SLC6A11: variants seen among roughly 807,000 people sequenced by gnomAD.
The protein encoded by SLC6A11 is sodium- and chloride-dependent GABA transporter 3.
SLC6A11 carries 25 observed loss-of-function variants against 74.8 expected under a neutral mutation model. That is an observed-to-expected ratio of 0.33 (90% confidence interval 0.24 to 0.47). The LOEUF is 0.47. Among genes scored for constraint, SLC6A11 ranks in the 20% least tolerant of loss-of-function variants. SLC6A11 has a pLI of 1.00. For missense variants in SLC6A11, 574 were observed against 837.0 expected (o/e 0.69, Z 3.88); for synonymous variants, 330 against 330.2 (o/e 1.00, Z 0.01).
chr3:10,846,015 A>G (rs1383357806), intron 5 of SLC6A11, among the ~76,000 whole-genome samples: 1 of 152,212 alleles, frequency 6.6e-6, no homozygotes, highest in African/African-American at 2.4e-5. Context: ...TCTGAGCCTC[A>G]CTTTCCTCTT....
chr3:10,883,399 T>A (rs1695005877), intron 6 of SLC6A11, among the ~76,000 whole-genome samples: 1 of 152,150 alleles, frequency 6.6e-6, no homozygotes. Context: ...GTGTTTCAAG[T>A]GTGTGTTTTC....
intron 4 of SLC6A11, among the ~76,000 whole-genome samples, chr3:10,833,893 A>G (rs190924258): frequency 1.1e-3 from 163 of 152,356 alleles, no homozygotes; most frequent in Non-Finnish European, 1.9e-3. Context: ...CTTACAGTAT[A>G]GAACAGGAAG....
chr3:10,828,755 C>G (rs990194485), intron 4 of SLC6A11, among the ~76,000 whole-genome samples: 5 of 152,224 alleles, frequency 3.3e-5, no homozygotes, highest in African/African-American at 7.2e-5. Context: ...ATGGAATCCA[C>G]ACCCCAGTCC....
rs1575684213 is a variant in SLC6A11, at chr3:10,873,488, CCCTAT to C, written c.757-1472_757-1468del. On this transcript the variant is annotated intron_variant, in intron 5 of 13. Coordinates refer to ENST00000254488, the MANE Select transcript of SLC6A11 (RefSeq NM_014229.3). ...TCCTACCCTACCCTACCATACCCTA[CCCTAT>C]GCTATCCTATCCTATCCTATGCCAT... Among the ~76,000 whole-genome samples the C allele has an allele frequency of 1.3e-4, 13 of 99,726 alleles. No individual in the cohort carries two copies. The East Asian group carries it at 2.3e-3, about 18-fold the overall frequency. The allele number at this position is 99,726 out of a possible 152,430, so 65.4% of individuals were successfully genotyped here. A position where few individuals can be genotyped will look rare whatever the true frequency, so the allele number is the denominator to read the frequency against.
rs1695058581 is a variant in SLC6A11, at chr3:10,887,482, G to A, written c.891+12387G>A. On this transcript the variant is annotated intron_variant, in intron 6 of 13. Transcript: ENST00000254488. Reference sequence around the variant, plus strand: ...CTTTTTTGAGATGGAGTCTCACTCTGTCACCCAGGCTGGAGTACAATGGCC... The same window carrying A: ...CTTTTTTGAGATGGAGTCTCACTCTATCACCCAGGCTGGAGTACAATGGCC... Among the ~76,000 whole-genome samples, 4 of 152,116 alleles carry A rather than the reference G, an allele frequency of 2.6e-5. No individual in the cohort carries two copies. The South Asian group carries it at 8.3e-4, about 32-fold the overall frequency.
At chr3:10,886,970 A>C (rs1380855929) in intron 6 of SLC6A11, among the ~76,000 whole-genome samples, 1 of 152,216 alleles carries the variant, frequency 6.6e-6, no homozygotes, top group Non-Finnish European at 1.5e-5. Flanking sequence ...ATGTGAGCAA[A>C]GAATTTGTCT....
chr3:10,936,959 G>T (rs769191215), intron 13 of SLC6A11, among the ~76,000 whole-genome samples: 2 of 152,162 alleles, frequency 1.3e-5, no homozygotes, highest in Non-Finnish European at 2.9e-5. Context: ...TTCTTTGGAG[G>T]TGTCAGACCC....
intron 4 of SLC6A11, among the ~76,000 whole-genome samples, chr3:10,840,651 G>C (rs1039644544): frequency 1.3e-5 from 2 of 152,202 alleles, no homozygotes; most frequent in East Asian, 3.9e-4. Flanking sequence ...TGCATTTACC[G>C]TAGCTTTAAT....
chr3:10,864,786 C>G (rs1384372201), intron 5 of SLC6A11, among the ~76,000 whole-genome samples: 1 of 152,216 alleles, frequency 6.6e-6, no homozygotes, highest in African/African-American at 2.4e-5. Flanking sequence ...TTCCCTCTGT[C>G]CTTCATTTGA....
intron 5 of SLC6A11, among the ~76,000 whole-genome samples, chr3:10,858,682 G>T (rs981412552): frequency 6.6e-6 from 1 of 152,214 alleles, no homozygotes; most frequent in Non-Finnish European, 1.5e-5. Flanking sequence ...CCTGCTCAAG[G>T]TCACAGAGCT....
Position 10,938,440 on chromosome 3 carries a change from C to T in SLC6A11, c.*38C>T, listed in dbSNP as rs767727081. 4.5e-6 allele frequency: 7 copies of T among 1,549,958 alleles called. No homozygotes were observed. The highest frequency in any genetic ancestry group is 6.1e-6 in the Non-Finnish European group (7 of 1,139,566). ...CATCTGGGGCTCTTCTTCCTTTCTT[C>T]CCCCCGTGTATGTAAATGAATTCCT... On this transcript the variant is annotated 3_prime_UTR_variant, in exon 14 of 14. Transcript: ENST00000254488.
chr3:10,878,710 G>T (rs555582393), intron 6 of SLC6A11, among the ~76,000 whole-genome samples: 1 of 151,674 alleles, frequency 6.6e-6, no homozygotes, highest in African/African-American at 2.4e-5. Flanking sequence ...ACCGTGCCTG[G>T]CCCACTCATC....
chr3:10,895,731 G>T (rs1336559670), intron 6 of SLC6A11, among the ~76,000 whole-genome samples: 1 of 151,846 alleles, frequency 6.6e-6, no homozygotes, highest in African/African-American at 2.4e-5. Flanking sequence ...TAGGAGCAAG[G>T]GTCGTCTTTG....
chr3:10,937,931 C>T (rs574206414), intron 13 of SLC6A11, among the ~76,000 whole-genome samples: 1 of 152,330 alleles, frequency 6.6e-6, no homozygotes, highest in African/African-American at 2.4e-5. Context: ...GGCAGTGGAC[C>T]CTGATGACCG....
chr3:10,880,383 G>T (rs1380890826), intron 6 of SLC6A11, among the ~76,000 whole-genome samples: 1 of 152,192 alleles, frequency 6.6e-6, no homozygotes, highest in African/African-American at 2.4e-5. Flanking sequence ...CCTAGGCCTG[G>T]CTGTTGGGCT....
In SLC6A11 at chr3:10,938,576, C is replaced by T. The variant is rs1695786470; in HGVS notation, c.*174C>T. 6 of 532,798 alleles carry T rather than the reference C, an allele frequency of 1.1e-5. No individual in the cohort carries two copies. The highest frequency in any genetic ancestry group is 1.3e-5 in the Non-Finnish European group (4 of 311,022). The allele number at this position is 532,798 out of a possible 1,614,324, so 33.0% of individuals were successfully genotyped here. A position where few individuals can be genotyped will look rare whatever the true frequency, so the allele number is the denominator to read the frequency against. ...ACTGCTCTAAAGTCATATCCCCTCC[C>T]CGCCCCCAGTCATCATGGAAGTAAC... is the stretch of plus-strand genomic sequence containing the variant. On this transcript the variant is annotated 3_prime_UTR_variant, in exon 14 of 14. Transcript: ENST00000254488.
At chr3:10,925,976 G>A in intron 8 of SLC6A11, 28 bp from the exon 9 acceptor site, 1 of 1,312,126 alleles carries the variant, frequency 7.6e-7, no homozygotes, top group Non-Finnish European at 1.1e-6. Flanking sequence ...ACTCCACCCA[G>A]TGGCTTTCTC....
chr3:10,906,253 A>AG (rs1695300861), intron 6 of SLC6A11, among the ~76,000 whole-genome samples: 1 of 152,184 alleles, frequency 6.6e-6, no homozygotes, highest in Non-Finnish European at 1.5e-5. Context: ...AGGTGGCAAC[A>AG]GAAAAAAAAA....
intron 4 of SLC6A11, among the ~76,000 whole-genome samples, chr3:10,834,116 G>T (rs537365527): frequency 1.3e-5 from 2 of 152,224 alleles, no homozygotes; most frequent in Non-Finnish European, 2.9e-5. Flanking sequence ...TCACACGGGG[G>T]ATTCTGAGGG....
Sources: allele counts gnomAD v4.1 joint callset (sites outside exome capture counted in the v4.1 genomes callset), GRCh38; gene constraint gnomAD v4.1.1; transcripts MANE v1.5; gene names NCBI Gene and HGNC (gene_info 2026-07-23, HGNC 2026-07-21).